Variants in CSMD1 observed in about 807,000 individuals in gnomAD.
CSMD1 encodes CUB and sushi domain-containing protein 1.
In CSMD1, 213 loss-of-function variants were observed where a neutral mutation model predicts 417.5. That is an observed-to-expected ratio of 0.51 (90% CI 0.46 to 0.57). The LOEUF is 0.57. Ranked by LOEUF, CSMD1 falls within the 20% of genes least tolerant of loss-of-function variation. The pLI, the probability that CSMD1 is intolerant of heterozygous loss-of-function variation, is 0.00. For missense variants in CSMD1, 6,923 were observed against 4,529.7 expected (o/e 1.53, Z -15.17); for synonymous variants, 2,862 against 1,736.8 (o/e 1.65, Z -16.11).
At chr8:4,327,803 A>G (rs982142885) in intron 3 of CSMD1, among the ~76,000 whole-genome samples, 1 of 152,226 alleles carries the variant, frequency 6.6e-6, no homozygotes, top group Non-Finnish European at 1.5e-5. Flanking sequence ...TTTCTTGCTA[A>G]AATGTCTCCT....
chr8:3,812,730 C>G (rs1043321295), intron 5 of CSMD1, among the ~76,000 whole-genome samples: 11 of 152,182 alleles, frequency 7.2e-5, no homozygotes, highest in African/African-American at 2.7e-4. Flanking sequence ...ACTCCACAAA[C>G]ACCACATCTC....
intron 1 of CSMD1, among the ~76,000 whole-genome samples, chr8:4,743,086 T>G (rs1382851485): frequency 6.6e-6 from 1 of 152,210 alleles, no homozygotes; most frequent in Non-Finnish European, 1.5e-5. Context: ...AAATTGGCTC[T>G]GCTAAGAGTC....
chr8:4,336,537 C>G (rs894351264), intron 3 of CSMD1, among the ~76,000 whole-genome samples: 4 of 152,138 alleles, frequency 2.6e-5, no homozygotes, highest in Admixed American at 2.0e-4. Context: ...CGATGAATGT[C>G]ATGCTGCTTG....
rs115490888 is a variant in CSMD1 at position 4,161,185 on chromosome 8, T to C, written c.416-129086A>G. Among the ~76,000 whole-genome samples, 1,498 of 152,246 alleles carry C rather than the reference T, an allele frequency of 9.8e-3. 21 individuals are homozygous for C. The highest frequency in any genetic ancestry group is 0.034 in the African/African-American group (1,410 of 41,534). ...TCAGAAGGATGAAGTACTTGCAATGTGCTACTTCCTATCTCATTTAATTCC... is the reference window on the plus strand; with the variant it reads ...TCAGAAGGATGAAGTACTTGCAATGCGCTACTTCCTATCTCATTTAATTCC... On this transcript the variant is annotated intron_variant, in intron 3 of 69. Transcript: ENST00000635120.
chr8:4,378,779 A>AT (rs946135361), intron 3 of CSMD1, among the ~76,000 whole-genome samples: 6 of 152,102 alleles, frequency 3.9e-5, no homozygotes, highest in African/African-American at 1.4e-4. Context: ...CATGAATGGG[A>AT]TTACTGCCCT....
intron 5 of CSMD1, among the ~76,000 whole-genome samples, chr8:3,769,099 G>T (rs1363982997): frequency 6.6e-6 from 1 of 152,202 alleles, no homozygotes; most frequent in Non-Finnish European, 1.5e-5. Flanking sequence ...ACTAATTAAA[G>T]AGATGACTTT....
At chr8:3,077,042 T>A (rs1813733456) in intron 49 of CSMD1, among the ~76,000 whole-genome samples, 1 of 151,992 alleles carries the variant, frequency 6.6e-6, no homozygotes, top group Non-Finnish European at 1.5e-5. Flanking sequence ...CTTCTTTCCA[T>A]CCTATATCCA....
rs370365155 is a variant in CSMD1, at chr8:4,601,106, G to A, written c.302+36236C>T. On this transcript the variant is annotated intron_variant, in intron 2 of 69. Coordinates refer to ENST00000635120, the MANE Select transcript of CSMD1 (RefSeq NM_033225.6). ...CAAGTAGCTGGGATTACAGGCATGC[G>A]CCACCACGCCTGCTAATTTTGTATT... Among the ~76,000 whole-genome samples the A allele has an allele frequency of 4.0e-3, 611 of 152,068 alleles. 2 individuals are homozygous for A. Among genetic ancestry groups the A allele is most frequent in the African/African-American group, 0.014 (589 of 41,504 alleles).
intron 1 of CSMD1, among the ~76,000 whole-genome samples, chr8:4,688,751 C>A (rs947829656): frequency 2.0e-5 from 3 of 152,254 alleles, no homozygotes; most frequent in East Asian, 3.9e-4. Flanking sequence ...GAGTCAATTA[C>A]AGCACTGCGG....
chr8:3,326,545 G>A (rs1806545331), intron 23 of CSMD1, among the ~76,000 whole-genome samples: 1 of 152,142 alleles, frequency 6.6e-6, no homozygotes, highest in African/African-American at 2.4e-5. Context: ...TTTTACAGTT[G>A]TTACACATTT....
intron 12 of CSMD1, among the ~76,000 whole-genome samples, chr8:3,463,794 A>G (rs188111088): frequency 2.2e-4 from 34 of 152,320 alleles, no homozygotes; most frequent in African/African-American, 7.9e-4. Flanking sequence ...GCTGTCTCAA[A>G]AGTTCCGTCT....
intron 12 of CSMD1, among the ~76,000 whole-genome samples, chr8:3,463,204 C>G (rs759346866): frequency 6.6e-6 from 1 of 152,194 alleles, no homozygotes; most frequent in African/African-American, 2.4e-5. Context: ...TCAACCTCTC[C>G]CTCCACCCAA....
chr8:3,578,082 G>A (rs1041377222), intron 9 of CSMD1, among the ~76,000 whole-genome samples: 1 of 152,142 alleles, frequency 6.6e-6, no homozygotes, highest in African/African-American at 2.4e-5. Flanking sequence ...ATTTCATAGT[G>A]GAGAGAGAAG....
At chr8:3,669,066 C>A (rs896113454) in intron 7 of CSMD1, among the ~76,000 whole-genome samples, 7 of 152,070 alleles carry the variant, frequency 4.6e-5, no homozygotes, top group African/African-American at 1.4e-4. Context: ...AACTAAGGAA[C>A]GACCCCACTA....
At chr8:4,706,847 G>T (rs778823725) in intron 1 of CSMD1, among the ~76,000 whole-genome samples, 22 of 152,182 alleles carry the variant, frequency 1.4e-4, no homozygotes, top group Non-Finnish European at 2.4e-4. Flanking sequence ...GAGAGAATGG[G>T]GGAAACTTCT....
chr8:3,555,382 C>G (rs148926931), intron 10 of CSMD1, among the ~76,000 whole-genome samples: 1 of 152,132 alleles, frequency 6.6e-6, no homozygotes, highest in East Asian at 1.9e-4. Flanking sequence ...ACAGTCTGAA[C>G]GCTGTAAGAA....
intron 49 of CSMD1, among the ~76,000 whole-genome samples, chr8:3,062,018 T>C (rs139631848): frequency 1.2e-3 from 181 of 152,254 alleles, no homozygotes; most frequent in African/African-American, 4.2e-3. Flanking sequence ...TCACCATATG[T>C]ATATTTACTG....
intron 5 of CSMD1, among the ~76,000 whole-genome samples, chr8:3,986,746 C>G (rs780432268): frequency 9.4e-5 from 14 of 149,006 alleles, no homozygotes; most frequent in Admixed American, 9.4e-4. Context: ...CCTGCTTTTA[C>G]AATGTTTAAG....
chr8:3,545,137 C>T (rs1421562726), intron 10 of CSMD1, among the ~76,000 whole-genome samples: 6 of 152,108 alleles, frequency 3.9e-5, no homozygotes, highest in African/African-American at 7.2e-5. Flanking sequence ...TCTCTTTCTC[C>T]GTCATTACTT....
Sources: allele counts gnomAD v4.1 joint callset (sites outside exome capture counted in the v4.1 genomes callset), GRCh38; gene constraint gnomAD v4.1.1; transcripts MANE v1.5; gene names NCBI Gene and HGNC (gene_info 2026-07-23, HGNC 2026-07-21).